The following PDCD4 variants were observed in gnomAD, a reference collection of about 807,000 sequenced individuals.
PDCD4 encodes the protein programmed cell death protein 4.
Under a neutral mutation model 54.0 loss-of-function variants are expected in PDCD4, and 56 were observed. That is an observed-to-expected ratio of 1.04 (90% CI 0.84 to 1.30). PDCD4 has a LOEUF of 1.30. Ranked by LOEUF, PDCD4 falls within the 50% of genes most tolerant of loss-of-function variation. The pLI is 0.00. For missense variants in PDCD4, 584 were observed against 559.8 expected (o/e 1.04, Z -0.44); for synonymous variants, 186 against 194.8 (o/e 0.95, Z 0.37).
intron 2 of PDCD4, 76 bp from the exon 3 acceptor site, chr10:110,881,157 C>A: frequency 9.1e-7 from 1 of 1,093,832 alleles, no homozygotes. Flanking sequence ...TCAACCTAAT[C>A]TAACTTACCA....
chr10:110,896,113 C>G, intron 11 of PDCD4, 26 bp downstream of exon 11: 1 of 1,537,176 alleles, frequency 6.5e-7, no homozygotes, highest in Non-Finnish European at 8.9e-7. Context: ...ACTACTTTCT[C>G]AATGTAAAAT....
chr10:110,892,659 C>T (rs1050068636), intron 8 of PDCD4, among the ~76,000 whole-genome samples: 3 of 152,052 alleles, frequency 2.0e-5, no homozygotes, highest in East Asian at 1.9e-4. Flanking sequence ...AAGGTTATAA[C>T]GGAGCTGAAA....
In PDCD4 at chr10:110,875,028, T is replaced by C. The variant is rs1332217442; in HGVS notation, c.-62-938T>C. Among the ~76,000 whole-genome samples, 3 of 152,274 alleles carry C rather than the reference T, an allele frequency of 2.0e-5. No homozygotes were observed. The East Asian group carries it at 5.8e-4, about 29-fold the overall frequency. On this transcript the variant is annotated intron_variant, in intron 1 of 11. Coordinates refer to ENST00000280154, the MANE Select transcript of PDCD4 (RefSeq NM_014456.5). ...GGACTTATATCCAACCTATGTGACT[T>C]AAACATACACTTAAGTACTCTAAAC...
intron 3 of PDCD4, among the ~76,000 whole-genome samples, chr10:110,882,631 T>C (rs1332374451): frequency 6.6e-6 from 1 of 152,206 alleles, no homozygotes; most frequent in African/African-American, 2.4e-5. Flanking sequence ...ATGCTAAGCT[T>C]TACCGGCCCA....
At chr10:110,893,547 G>A (rs1490317963) in intron 8 of PDCD4, among the ~76,000 whole-genome samples, 1 of 151,948 alleles carries the variant, frequency 6.6e-6, no homozygotes, top group Admixed American at 6.6e-5. Context: ...TTTAGCTACA[G>A]CTGGAAACTG....
intron 5 of PDCD4, among the ~76,000 whole-genome samples, chr10:110,886,804 A>G (rs1845675872): frequency 6.6e-6 from 1 of 152,212 alleles, no homozygotes; most frequent in Admixed American, 6.5e-5. Context: ...AGCTGCAGCT[A>G]TTATATTTCT....
At chr10:110,872,446 C>T (rs759252647) in intron 1 of PDCD4, among the ~76,000 whole-genome samples, 1 of 152,324 alleles carries the variant, frequency 6.6e-6, no homozygotes, top group South Asian at 2.1e-4. Context: ...GGAAGATTCG[C>T]GCCCTCCCCG....
chr10:110,886,834 AC>A (rs1359541338), intron 5 of PDCD4, among the ~76,000 whole-genome samples: 1 of 152,180 alleles, frequency 6.6e-6, no homozygotes, highest in Non-Finnish European at 1.5e-5. Flanking sequence ...TTTTAAATTT[AC>A]CCCAGAATCT....
intron 1 of PDCD4, among the ~76,000 whole-genome samples, chr10:110,872,622 G>C (rs570461098): frequency 5.3e-5 from 8 of 152,342 alleles, no homozygotes; most frequent in African/African-American, 1.7e-4. Context: ...CGGCCGCTGT[G>C]GGGAGGGGCC....
chr10:110,879,577 C>T (rs895115032), intron 2 of PDCD4, among the ~76,000 whole-genome samples: 5 of 150,506 alleles, frequency 3.3e-5, no homozygotes, highest in African/African-American at 7.4e-5. Flanking sequence ...GGCGTGAACC[C>T]GGGAGGCAGA....
chr10:110,898,068 C>T lies in PDCD4; in HGVS notation c.1390C>T (p.Leu464Phe), dbSNP rs1845874181. 6.3e-7 allele frequency: 1 copy of T among 1,583,370 alleles called. No homozygotes were observed. Among genetic ancestry groups the T allele is most frequent in the Admixed American group, 1.7e-5 (1 of 58,008 alleles). ...TGTAAGCGAAGGAGATGGAGGTCGT[C>T]TTAAACCAGAGAGCTACTGAATATA... ...RFVSEGDGGR[L>F]KPESY Residue 464 changes from leucine to phenylalanine, a missense_variant, in exon 12 of 12, where the codon CTT (leucine) becomes TTT (phenylalanine). Coordinates refer to ENST00000280154, the MANE Select transcript of PDCD4 (RefSeq NM_014456.5).
At chr10:110,886,768 G>T (rs1845675526) in intron 5 of PDCD4, among the ~76,000 whole-genome samples, 1 of 152,046 alleles carries the variant, frequency 6.6e-6, no homozygotes, top group African/African-American at 2.4e-5. Flanking sequence ...CTATTATAAT[G>T]CCTGATACAT....
chr10:110,881,243 C>G lies in PDCD4; in HGVS notation c.54C>G (p.Asn18Lys). ...ILNVNPADPD[N>K]LSDSLFSGDE... ...ATTTTTCTCTTTAAGATCCTGATAACTTAAGTGACTCTCTCTTTTCCGGTG... is the reference window on the plus strand; with the variant it reads ...ATTTTTCTCTTTAAGATCCTGATAAGTTAAGTGACTCTCTCTTTTCCGGTG... The change falls in exon 3 of 12, where the codon AAC becomes AAG. Residue 18 changes from asparagine (N) to lysine (K), a missense_variant. Physicochemically the swap from Asn to Lys is moderately conservative, Grantham distance 94. Transcript: ENST00000280154. The G allele has an allele frequency of 6.2e-7, 1 of 1,611,078 alleles. No individual in the cohort carries two copies. Among genetic ancestry groups the G allele is most frequent in the Non-Finnish European group, 8.5e-7 (1 of 1,177,938 alleles).
chr10:110,879,220 AC>A (rs993368665), intron 2 of PDCD4, among the ~76,000 whole-genome samples: 7 of 152,154 alleles, frequency 4.6e-5, no homozygotes, highest in African/African-American at 1.4e-4. Context: ...TTTGTAATAT[AC>A]TCAGTATTCT....
Position 110,899,051 on chromosome 10 carries a change from T to C in PDCD4, c.*963T>C. The C allele has an allele frequency of 6.6e-6, 1 of 152,184 alleles. No individual in the cohort carries two copies. The highest frequency in any genetic ancestry group is 1.9e-4 in the East Asian group (1 of 5,202). The allele number at this position is 152,184 out of a possible 1,614,324, so 9.4% of individuals were successfully genotyped here. A position where few individuals can be genotyped will look rare whatever the true frequency, so the allele number is the denominator to read the frequency against. On this transcript the variant is annotated 3_prime_UTR_variant, in exon 12 of 12. Transcript: ENST00000280154. ...TTCTGTTACCAAATAATGGCTAATG[T>C]TACAAAAAGTTATACTCCAGAGACC...
intron 2 of PDCD4, among the ~76,000 whole-genome samples, chr10:110,879,554 G>A (rs906420014): frequency 4.6e-5 from 7 of 151,928 alleles, no homozygotes; most frequent in Admixed American, 2.0e-4. Context: ...AGTCCCAGCT[G>A]GGGCAGGAGA....
chr10:110,894,756 A>G (rs1385707140), intron 10 of PDCD4, among the ~76,000 whole-genome samples: 2 of 149,628 alleles, frequency 1.3e-5, no homozygotes, highest in African/African-American at 4.9e-5. Flanking sequence ...AACAAATGTA[A>G]TTATGTATTC....
chr10:110,880,836 T>C (rs185687018), intron 2 of PDCD4, among the ~76,000 whole-genome samples: 128 of 152,336 alleles, frequency 8.4e-4, no homozygotes, highest in Middle Eastern at 3.4e-3. Context: ...TTATCTCTCT[T>C]CTCAAGATGC....
chr10:110,895,884 A>T, intron 10 of PDCD4, 64 bp from the exon 11 acceptor site: 1 of 1,233,478 alleles, frequency 8.1e-7, no homozygotes, highest in Non-Finnish European at 1.1e-6. Flanking sequence ...ATAGTGATGG[A>T]TTGTGTTTTA....
Sources: allele counts gnomAD v4.1 joint callset (sites outside exome capture counted in the v4.1 genomes callset), GRCh38; gene constraint gnomAD v4.1.1; transcripts MANE v1.5; gene names NCBI Gene and HGNC (gene_info 2026-07-23, HGNC 2026-07-21).